Variants in RGS6 observed in about 807,000 individuals in gnomAD.
RGS6 encodes regulator of G protein signaling 6.
In RGS6, 30 loss-of-function variants were observed where a neutral mutation model predicts 78.5. The observed-to-expected ratio is 0.38, with a 90% CI of 0.29 to 0.52. The LOEUF (loss-of-function observed/expected upper bound fraction) is 0.52, where lower values mean the gene tolerates loss of function less well. Among genes scored for constraint, RGS6 ranks in the 20% least tolerant of loss-of-function variants. The probability of loss-of-function intolerance (pLI) is 0.85; values close to 1 mark genes in which losing one functional copy is unlikely to be tolerated. For missense variants in RGS6, 495 were observed against 609.7 expected, an observed-to-expected ratio of 0.81 and a Z score of 1.98; for synonymous variants, 206 against 206.0, an observed-to-expected ratio of 1.00 and a Z score of 0.00.
intron 2 of RGS6, among the ~76,000 whole-genome samples, chr14:71,980,464 C>CA (rs1042267865): frequency 7.1e-6 from 1 of 141,626 alleles, no homozygotes; most frequent in Admixed American, 7.2e-5. Context: ...CTGGTGGTGA[C>CA]AAAATCTCTC....
At chr14:72,548,356 T>C (rs1211241617) in intron 17 of RGS6, among the ~76,000 whole-genome samples, 2 of 141,798 alleles carry the variant, frequency 1.4e-5, no homozygotes, top group African/African-American at 5.6e-5. Flanking sequence ...CGCGTGTGTG[T>C]GTGTGTGTGT....
At chr14:72,523,281 A>G (rs1294412720) in intron 15 of RGS6, among the ~76,000 whole-genome samples, 1 of 152,162 alleles carries the variant, frequency 6.6e-6, no homozygotes, top group Non-Finnish European at 1.5e-5. Flanking sequence ...AGAAAGGCCA[A>G]GAGTCTGGGA....
chr14:72,201,485 C>G (rs764872168), intron 2 of RGS6, among the ~76,000 whole-genome samples: 1 of 152,098 alleles, frequency 6.6e-6, no homozygotes, highest in Non-Finnish European at 1.5e-5. Context: ...ACACTAAATT[C>G]GACTTTTTAA....
the RGS6 span, among the ~76,000 whole-genome samples, chr14:71,890,552 T>G: frequency 6.6e-6 from 1 of 152,224 alleles, no homozygotes; most frequent in African/African-American, 2.4e-5. Flanking sequence ...TTTTCCAGTT[T>G]ATTCCCTTTC....
chr14:71,971,919 T>G (rs1254940691), intron 2 of RGS6, among the ~76,000 whole-genome samples: 5 of 150,348 alleles, frequency 3.3e-5, no homozygotes, highest in East Asian at 1.9e-4. Context: ...TTTTTTTTTT[T>G]TTTTTTTTTT....
chr14:72,088,094 C>G (rs1386713885), intron 2 of RGS6, among the ~76,000 whole-genome samples: 1 of 152,176 alleles, frequency 6.6e-6, no homozygotes, highest in Non-Finnish European at 1.5e-5. Flanking sequence ...GGTACCATCT[C>G]CTTCTGCATT....
chr14:72,097,001 G>A (rs980743639), intron 2 of RGS6, among the ~76,000 whole-genome samples: 64 of 152,208 alleles, frequency 4.2e-4, no homozygotes, highest in Non-Finnish European at 2.8e-4. Flanking sequence ...CTGTAGTAGG[G>A]AATGAACCCA....
intron 3 of RGS6, among the ~76,000 whole-genome samples, chr14:72,375,929 T>C (rs2084601609): frequency 6.6e-6 from 1 of 151,898 alleles, no homozygotes; most frequent in Non-Finnish European, 1.5e-5. Context: ...ATCAGATGTG[T>C]AGAAATCAAT....
At chr14:72,548,165 C>G (rs1210601077) in intron 17 of RGS6, among the ~76,000 whole-genome samples, 1 of 152,182 alleles carries the variant, frequency 6.6e-6, no homozygotes, top group Non-Finnish European at 1.5e-5. Flanking sequence ...ATCCAATAAC[C>G]TTTTTGATGA....
intron 3 of RGS6, among the ~76,000 whole-genome samples, chr14:72,354,241 T>C (rs976126130): frequency 6.6e-6 from 1 of 152,132 alleles, no homozygotes; most frequent in African/African-American, 2.4e-5. Context: ...GCTGGAAGTC[T>C]GAGATCAGGT....
intron 2 of RGS6, among the ~76,000 whole-genome samples, chr14:72,123,479 G>A (rs1053917967): frequency 2.0e-5 from 3 of 152,106 alleles, no homozygotes; most frequent in African/African-American, 7.2e-5. Context: ...GACAATTTCT[G>A]CCTCAGTTTC....
intron 2 of RGS6, among the ~76,000 whole-genome samples, chr14:72,098,631 C>T (rs139184032): frequency 7.0e-4 from 106 of 152,288 alleles, no homozygotes; most frequent in African/African-American, 2.3e-3. Flanking sequence ...GGAGACTGTA[C>T]ATAAAAATAC....
At chr14:72,473,679 C>T (rs2096154590) in intron 9 of RGS6, among the ~76,000 whole-genome samples, 1 of 152,212 alleles carries the variant, frequency 6.6e-6, no homozygotes, top group Non-Finnish European at 1.5e-5. Flanking sequence ...AATTAGCGCA[C>T]ATTGAAGCAT....
intron 2 of RGS6, among the ~76,000 whole-genome samples, chr14:72,152,383 T>C (rs907727641): frequency 1.3e-5 from 2 of 152,036 alleles, no homozygotes; most frequent in Non-Finnish European, 1.5e-5. Context: ...TCCAGGGATG[T>C]CATCAGTTTG....
chr14:72,512,746 C>T (rs970685540), intron 14 of RGS6, among the ~76,000 whole-genome samples: 13 of 152,240 alleles, frequency 8.5e-5, no homozygotes, highest in Middle Eastern at 3.4e-3. Flanking sequence ...GAAGCTCAGT[C>T]GTAAATCACA....
At chr14:72,000,095 G>A (rs375388607) in intron 2 of RGS6, among the ~76,000 whole-genome samples, 22 of 152,190 alleles carry the variant, frequency 1.4e-4, no homozygotes, top group African/African-American at 5.1e-4. Flanking sequence ...AAAAGGGGAA[G>A]CACTGATAGT....
At position 72,011,061 on chromosome 14, in the gene RGS6, A is replaced by G. The variant is rs144868204; in HGVS notation, c.84+46186A>G. On this transcript the variant is annotated intron_variant, in intron 2 of 17. Coordinates refer to ENST00000553525, the MANE Select transcript of RGS6 (RefSeq NM_001204424.2). ...TGTTCTATTCTAAAATTGCAAATAA[A>G]GCTACTTGAGCTCCTGAAAGTAAAT... is the stretch of plus-strand genomic sequence containing the variant. Among the ~76,000 whole-genome samples the G allele has an allele frequency of 2.6e-5, 4 of 152,338 alleles. No homozygotes were observed. The East Asian group carries it at 7.7e-4, about 29-fold the overall frequency.
At chr14:72,569,642 T>C (rs908071782), downstream of RGS6, among the ~76,000 whole-genome samples, 3 of 138,698 alleles carry the variant, frequency 2.2e-5, no homozygotes, top group Non-Finnish European at 3.1e-5. Flanking sequence ...ATCACACAGT[T>C]GCTGGCTGGG....
At chr14:71,934,770 A>G (rs1232598466) in intron 1 of RGS6, among the ~76,000 whole-genome samples, 3 of 152,208 alleles carry the variant, frequency 2.0e-5, no homozygotes, top group Non-Finnish European at 2.9e-5. Context: ...CAGGGACATA[A>G]TTTTGTGTGA....
Sources: allele counts gnomAD v4.1 joint callset (sites outside exome capture counted in the v4.1 genomes callset), GRCh38; gene constraint gnomAD v4.1.1; transcripts MANE v1.5; gene names NCBI Gene and HGNC (gene_info 2026-07-23, HGNC 2026-07-21).